PTK2: variants seen among roughly 807,000 people sequenced by gnomAD.
PTK2 encodes protein tyrosine kinase 2, also known as focal adhesion kinase 1.
In PTK2, 45 loss-of-function variants were observed where a neutral mutation model predicts 150.1. The ratio of observed to expected loss-of-function variants is 0.30; its 90% CI spans 0.24 to 0.38. The LOEUF is 0.38. Ranked by LOEUF, PTK2 falls within the 10% of genes least tolerant of loss-of-function variation. PTK2 has a pLI of 1.00. For synonymous variants in PTK2, 432 were observed against 449.2 expected, an observed-to-expected ratio of 0.96 and a Z score of 0.48; for missense variants, 919 against 1,307.3, an observed-to-expected ratio of 0.70 and a Z score of 4.58.
At chr8:140,752,191 G>C (rs981459528) in intron 17 of PTK2, 41 bp downstream of exon 20, 5 of 1,499,254 alleles carry the variant, frequency 3.3e-6, no homozygotes, top group Non-Finnish European at 4.6e-6. Flanking sequence ...TTCACAGATA[G>C]AAAGTCAAAT....
intron 29 of PTK2, among the ~76,000 whole-genome samples, chr8:140,670,921 A>T (rs1316373481): frequency 6.6e-6 from 1 of 152,162 alleles, no homozygotes; most frequent in Admixed American, 6.5e-5. Flanking sequence ...CCCTTTGCCC[A>T]ATTATTGTGG....
chr8:140,990,232 A>ATTT (rs11312570), intron 1 of PTK2, among the ~76,000 whole-genome samples: 4 of 146,798 alleles, frequency 2.7e-5, no homozygotes, highest in African/African-American at 5.0e-5. Context: ...TCCTTGACCA[A>ATTT]TTTTTTTTTT....
intron 1 of PTK2, among the ~76,000 whole-genome samples, chr8:140,935,596 G>A (rs1603410443): frequency 6.6e-6 from 1 of 151,962 alleles, no homozygotes; most frequent in Admixed American, 6.6e-5. Flanking sequence ...AAACTGGCTT[G>A]CAAAGACCTC....
chr8:140,981,663 A>G (rs1467990817), intron 1 of PTK2, among the ~76,000 whole-genome samples: 1 of 152,242 alleles, frequency 6.6e-6, no homozygotes, highest in East Asian at 1.9e-4. Context: ...AAAATTATAG[A>G]AAATTCAGAT....
At chr8:140,918,391 C>T (rs2100166144) in intron 2 of PTK2, among the ~76,000 whole-genome samples, 1 of 152,102 alleles carries the variant, frequency 6.6e-6, no homozygotes, top group Non-Finnish European at 1.5e-5. Context: ...AAATAACTTC[C>T]CAAACAGGGC....
intron 2 of PTK2, among the ~76,000 whole-genome samples, chr8:140,894,209 C>T (rs549033484): frequency 2.0e-5 from 3 of 152,286 alleles, no homozygotes; most frequent in Admixed American, 2.0e-4. Context: ...TCTCTCTGCT[C>T]TCCAGAGATA....
Position 140,692,583 on chromosome 8 carries a change from C to A in PTK2, c.2500-5889G>T, listed in dbSNP as rs1219536517. ...AGTGTGCCAAGATTGCGCCATTTCA[C>A]TCCAGCCTGGGGGACAAGAGTAAGA... On this transcript the variant is annotated intron_variant, in intron 26 of 31. Transcript: ENST00000522684. Among the ~76,000 whole-genome samples the A allele has an allele frequency of 6.6e-5, 10 of 152,154 alleles. No individual in the cohort carries two copies. The South Asian group carries it at 1.2e-3, about 19-fold the overall frequency.
chr8:140,908,742 G>C (rs2100161947), intron 2 of PTK2, among the ~76,000 whole-genome samples: 1 of 152,140 alleles, frequency 6.6e-6, no homozygotes, highest in African/African-American at 2.4e-5. Context: ...CAATTCTCCT[G>C]ATGTCCAAAT....
At chr8:140,923,041 G>A (rs1480630793) in intron 2 of PTK2, among the ~76,000 whole-genome samples, 2 of 152,160 alleles carry the variant, frequency 1.3e-5, no homozygotes, top group Non-Finnish European at 2.9e-5. Flanking sequence ...GATGAACCTG[G>A]TTTCTGTGAC....
chr8:140,915,456 T>A (rs1001487140), intron 2 of PTK2, among the ~76,000 whole-genome samples: 3 of 152,156 alleles, frequency 2.0e-5, no homozygotes, highest in African/African-American at 7.2e-5. Context: ...GGACACATTT[T>A]AGGGTTCCCA....
intron 21 of PTK2, among the ~76,000 whole-genome samples, chr8:140,737,328 C>A (rs911052590): frequency 1.3e-5 from 2 of 152,096 alleles, no homozygotes; most frequent in Non-Finnish European, 1.5e-5. Context: ...GTCTTGAACT[C>A]CTGGATTGAA....
Position 140,967,240 on chromosome 8 carries a change from C to T in PTK2, c.-122+33885G>A, listed in dbSNP as rs181487058. Among the ~76,000 whole-genome samples, 6 of 152,260 alleles carry T rather than the reference C, an allele frequency of 3.9e-5. No individual in the cohort carries two copies. The East Asian group carries it at 5.8e-4, about 15-fold the overall frequency. The stretch of plus-strand genomic sequence containing the variant: ...CTATTCTTGCTTCCCAAATTAACCA[C>T]GTAATATTGTTAAAACAATAAACAT... On this transcript the variant is annotated intron_variant, in intron 1 of 31. Coordinates refer to ENST00000522684, the Ensembl canonical transcript of PTK2.
At chr8:140,702,097 C>T (rs1219827645) in intron 25 of PTK2, among the ~76,000 whole-genome samples, 1 of 115,822 alleles carries the variant, frequency 8.6e-6, no homozygotes, top group African/African-American at 3.4e-5. Flanking sequence ...CACTGCACTC[C>T]AGCCTGGGAG....
rs529893378 is a variant in PTK2 at position 140,674,582 on chromosome 8, A to G, written c.2603-178T>C. Among the ~76,000 whole-genome samples, 9 of 152,058 alleles carry G rather than the reference A, an allele frequency of 5.9e-5. No individual in the cohort carries two copies. The South Asian group carries it at 1.5e-3, about 25-fold the overall frequency. ...TGGAGAAACCCCATCTCTACTAAAA[A>G]TACAAAATTAGCCGGGTGTGGTGGC... On this transcript the variant is annotated intron_variant, in intron 28 of 31. Coordinates refer to ENST00000522684, the Ensembl canonical transcript of PTK2.
intron 23 of PTK2, among the ~76,000 whole-genome samples, chr8:140,711,977 C>T (rs576582350): frequency 2.8e-4 from 43 of 151,994 alleles, no homozygotes; most frequent in East Asian, 3.9e-4. Flanking sequence ...ATATAAATGC[C>T]GTGCTGGGTT....
At chr8:140,832,216 A>C (rs1040424207) in intron 7 of PTK2, among the ~76,000 whole-genome samples, 4 of 151,944 alleles carry the variant, frequency 2.6e-5, no homozygotes, top group African/African-American at 9.7e-5. Flanking sequence ...TACCACGCCC[A>C]GCTATTTTTT....
At chr8:140,734,472 T>G (rs1477655258) in intron 22 of PTK2, among the ~76,000 whole-genome samples, 1 of 152,198 alleles carries the variant, frequency 6.6e-6, no homozygotes, top group African/African-American at 2.4e-5. Context: ...GACACAATGA[T>G]GCCCGTCAAG....
At chr8:140,803,039 C>T (rs1042860080) in intron 11 of PTK2, among the ~76,000 whole-genome samples, 4 of 104,354 alleles carry the variant, frequency 3.8e-5, no homozygotes, top group African/African-American at 8.6e-5. Flanking sequence ...TTTTGAGACA[C>T]GGTCTTGCTC....
chr8:140,904,332 T>C (rs185570649), intron 2 of PTK2, among the ~76,000 whole-genome samples: 2 of 152,352 alleles, frequency 1.3e-5, no homozygotes, highest in East Asian at 3.9e-4. Flanking sequence ...AAGCCTTGCA[T>C]CCGAGGGATG....
Sources: gnomAD v4.1 joint callset for allele counts (sites outside exome capture counted in the v4.1 genomes callset) on GRCh38, gnomAD v4.1.1 for gene constraint, MANE v1.5 for transcripts, NCBI Gene and HGNC (gene_info 2026-07-23, HGNC 2026-07-21) for gene names.